PTPRN2: variants seen among roughly 807,000 people sequenced by gnomAD.
PTPRN2 encodes the protein receptor-type tyrosine-protein phosphatase N2.
PTPRN2 carries 74 observed loss-of-function variants against 118.8 expected under a neutral mutation model. The observed-to-expected ratio is 0.62, with a 90% CI of 0.52 to 0.76. The LOEUF (loss-of-function observed/expected upper bound fraction) is 0.76, where lower values mean the gene tolerates loss of function less well. Ranked by LOEUF, PTPRN2 falls within the 30% of genes least tolerant of loss-of-function variation. The probability of loss-of-function intolerance (pLI) is 0.00; values close to 1 mark genes in which losing one functional copy is unlikely to be tolerated. For synonymous variants in PTPRN2, 641 were observed against 608.0 expected (o/e 1.05, Z -0.80); for missense variants, 1,481 against 1,394.4 (o/e 1.06, Z -0.99).
At chr7:158,122,117 T>C (rs1227019370) in intron 9 of PTPRN2, among the ~76,000 whole-genome samples, 1 of 152,172 alleles carries the variant, frequency 6.6e-6, no homozygotes, top group Non-Finnish European at 1.5e-5. Context: ...GACACTAATA[T>C]TGCCGTAGAA....
At chr7:158,463,484 T>G (rs1586734038) in intron 2 of PTPRN2, among the ~76,000 whole-genome samples, 1 of 152,044 alleles carries the variant, frequency 6.6e-6, no homozygotes, top group South Asian at 2.1e-4. Flanking sequence ...ATCACCATCA[T>G]CATTACCATT....
At chr7:158,485,079 C>A (rs912985265) in intron 2 of PTPRN2, among the ~76,000 whole-genome samples, 4 of 152,084 alleles carry the variant, frequency 2.6e-5, no homozygotes, top group African/African-American at 9.7e-5. Context: ...CTGCAACGGC[C>A]CGCAGGCCCG....
chr7:158,329,525 G>T (rs746383542), intron 2 of PTPRN2, among the ~76,000 whole-genome samples: 3 of 152,162 alleles, frequency 2.0e-5, no homozygotes, highest in Non-Finnish European at 2.9e-5. Flanking sequence ...ATGAGGACAC[G>T]TGAGGAGGCA....
intron 12 of PTPRN2, among the ~76,000 whole-genome samples, chr7:157,685,124 C>A (rs1449448264): frequency 6.6e-6 from 1 of 151,928 alleles, no homozygotes; most frequent in Admixed American, 6.6e-5. Flanking sequence ...CTGGCCTTGG[C>A]CGACGGAACA....
chr7:157,582,541 A>G (rs905035883), intron 17 of PTPRN2, among the ~76,000 whole-genome samples: 1 of 152,086 alleles, frequency 6.6e-6, no homozygotes, highest in South Asian at 2.1e-4. Context: ...AACCTTACAC[A>G]CTATACGGTA....
intron 1 of PTPRN2, chr7:158,537,424 CAGTG>C (rs1323665574): frequency 6.6e-6 from 1 of 152,292 alleles, no homozygotes; most frequent in Non-Finnish European, 1.5e-5. Context: ...TGTCAGGAAA[CAGTG>C]AGCTGCAGCC....
chr7:157,877,199 G>A (rs1005795591), intron 12 of PTPRN2, among the ~76,000 whole-genome samples: 5 of 149,070 alleles, frequency 3.4e-5, no homozygotes, highest in African/African-American at 1.2e-4. Flanking sequence ...GGGGACCCCG[G>A]GTCCGAGTGC....
At chr7:157,651,188 T>C (rs749438647) in intron 14 of PTPRN2, among the ~76,000 whole-genome samples, 10 of 152,240 alleles carry the variant, frequency 6.6e-5, no homozygotes, top group Non-Finnish European at 1.5e-4. Context: ...CTGTTTTCTG[T>C]GATCATGGGA....
chr7:158,149,583 A>T (rs1820716334), intron 6 of PTPRN2, among the ~76,000 whole-genome samples: 3 of 152,132 alleles, frequency 2.0e-5, no homozygotes, highest in Admixed American at 2.0e-4. Context: ...TGGGTGGATC[A>T]CCTGAGGTCA....
chr7:157,667,774 G>A (rs762102352), intron 13 of PTPRN2, among the ~76,000 whole-genome samples: 19 of 152,258 alleles, frequency 1.2e-4, no homozygotes, highest in African/African-American at 2.9e-4. Context: ...TGTCAGGAAC[G>A]GTAAACCCAG....
At chr7:158,476,940 C>T (rs1820315528) in intron 2 of PTPRN2, among the ~76,000 whole-genome samples, 1 of 152,222 alleles carries the variant, frequency 6.6e-6, no homozygotes, top group African/African-American at 2.4e-5. Context: ...CTGAGCTGAA[C>T]TGATTTTAAC....
At chr7:157,663,890 G>C (rs1372500484) in intron 13 of PTPRN2, among the ~76,000 whole-genome samples, 1 of 152,192 alleles carries the variant, frequency 6.6e-6, no homozygotes, top group Non-Finnish European at 1.5e-5. Context: ...CTTCTTACTA[G>C]AATGGAATAA....
chr7:157,849,921 C>T (rs1445201574), intron 12 of PTPRN2, among the ~76,000 whole-genome samples: 3 of 152,224 alleles, frequency 2.0e-5, no homozygotes. Flanking sequence ...GCAGCTGGGG[C>T]CCGTGTGTGC....
intron 12 of PTPRN2, among the ~76,000 whole-genome samples, chr7:157,772,810 T>C (rs1802965219): frequency 6.6e-6 from 1 of 152,254 alleles, no homozygotes; most frequent in Non-Finnish European, 1.5e-5. Context: ...ATCTTCTTTC[T>C]TCTCTGGCCT....
intron 12 of PTPRN2, among the ~76,000 whole-genome samples, chr7:157,824,256 G>A (rs970432416): frequency 6.6e-6 from 1 of 152,104 alleles, no homozygotes; most frequent in African/African-American, 2.4e-5. Flanking sequence ...CCCTCCTGAA[G>A]GTAGAAGCTG....
At chr7:158,383,754 G>A (rs1412210750) in intron 2 of PTPRN2, among the ~76,000 whole-genome samples, 1 of 152,220 alleles carries the variant, frequency 6.6e-6, no homozygotes, top group Non-Finnish European at 1.5e-5. Flanking sequence ...ACCCCAACTA[G>A]AGCCCACCTG....
intron 11 of PTPRN2, among the ~76,000 whole-genome samples, chr7:157,936,779 C>T (rs1799732926): frequency 6.6e-6 from 1 of 152,190 alleles, no homozygotes; most frequent in South Asian, 2.1e-4. Flanking sequence ...ATGTGCAGCC[C>T]TGTGCAAAGC....
At chr7:157,955,591 T>G (rs1387668310) in intron 11 of PTPRN2, among the ~76,000 whole-genome samples, 1 of 152,214 alleles carries the variant, frequency 6.6e-6, no homozygotes, top group Non-Finnish European at 1.5e-5. Flanking sequence ...AGGAGGGTTA[T>G]CCAAGCATTT....
intron 12 of PTPRN2, among the ~76,000 whole-genome samples, chr7:157,719,244 G>T (rs1395438498): frequency 6.6e-6 from 1 of 152,214 alleles, no homozygotes; most frequent in Non-Finnish European, 1.5e-5. Context: ...GAGCTTCCAG[G>T]CCCCTCGTGC....
Sources: gnomAD v4.1 joint callset for allele counts (sites outside exome capture counted in the v4.1 genomes callset) on GRCh38, gnomAD v4.1.1 for gene constraint, MANE v1.5 for transcripts, NCBI Gene and HGNC (gene_info 2026-07-23, HGNC 2026-07-21) for gene names.